Variants in CUBN observed in about 807,000 individuals in gnomAD.
CUBN encodes 460 kDa receptor.
CUBN carries 282 observed loss-of-function variants against 405.3 expected under a neutral mutation model. That is an observed-to-expected ratio of 0.70 (90% CI 0.63 to 0.77). CUBN has a LOEUF of 0.77. CUBN is among the 30% of genes least tolerant of loss of function. The pLI, the probability that CUBN is intolerant of heterozygous loss-of-function variation, is 0.00. For synonymous variants in CUBN, 1,684 were observed against 1,617.0 expected (o/e 1.04, Z -0.99); for missense variants, 4,514 against 4,475.2 (o/e 1.01, Z -0.25).
chr10:16,861,441 C>T (rs772012801), intron 59 of CUBN, among the ~76,000 whole-genome samples: 1 of 152,144 alleles, frequency 6.6e-6, no homozygotes, highest in East Asian at 1.9e-4. Flanking sequence ...GGATTACAGG[C>T]GTGAGCCAGC....
At chr10:17,077,303 A>AT (rs974377803) in intron 17 of CUBN, among the ~76,000 whole-genome samples, 7 of 152,012 alleles carry the variant, frequency 4.6e-5, no homozygotes, top group African/African-American at 1.7e-4. Context: ...GAAACTACTC[A>AT]TAAAAAAAAA....
Position 17,068,205 on chromosome 10 carries a change from A to T in CUBN, c.2867T>A (p.Ile956Asn). Reference protein sequence around the residue: ...PGHPNVYPHGINCTWHILVQP... With the variant: ...PGHPNVYPHGNNCTWHILVQP... ...GACTAATATATGCCAAGTACAGTTG[A>T]TACCGTGGGGGTAGACATTTGGATG... is the stretch of plus-strand genomic sequence containing the variant. The change falls in exon 21 of 67, where the codon ATC becomes AAC. Residue 956 changes from isoleucine (I) to asparagine (N), a missense_variant. Physicochemically the swap from Ile to Asn is moderately radical, Grantham distance 149 (BLOSUM62 -3). Around this residue, in one of 5 missense-constraint regions of CUBN, gnomAD observed 1,448 missense variants for 1,388.0 expected, o/e 1.04. Transcript: ENST00000377833. The T allele has an allele frequency of 6.2e-7, 1 of 1,613,818 alleles. No individual in the cohort carries two copies. Among genetic ancestry groups the T allele is most frequent in the Non-Finnish European group, 8.5e-7 (1 of 1,179,736 alleles).
chr10:17,000,391 A>G (rs1833845132), intron 28 of CUBN, among the ~76,000 whole-genome samples: 1 of 152,202 alleles, frequency 6.6e-6, no homozygotes, highest in Non-Finnish European at 1.5e-5. Flanking sequence ...AAATAACATC[A>G]GCTATTTCGA....
At chr10:17,079,161 A>T (rs2034358194) in intron 17 of CUBN, among the ~76,000 whole-genome samples, 1 of 152,040 alleles carries the variant, frequency 6.6e-6, no homozygotes, top group Non-Finnish European at 1.5e-5. Flanking sequence ...TCACAACAAC[A>T]GAGCTCAGAG....
At chr10:17,072,383 AAAG>A (rs1177791490) in intron 17 of CUBN, among the ~76,000 whole-genome samples, 4 of 152,168 alleles carry the variant, frequency 2.6e-5, no homozygotes, top group African/African-American at 9.6e-5. Flanking sequence ...AAAGGAAAAA[AAAG>A]AAAAGTTGAT....
At position 16,988,508 on chromosome 10, in the gene CUBN, G is replaced by A. The variant is rs543460501; in HGVS notation, c.4350+1826C>T. Among the ~76,000 whole-genome samples the A allele has an allele frequency of 2.6e-5, 4 of 152,254 alleles. No individual in the cohort carries two copies. The East Asian group carries it at 7.7e-4, about 29-fold the overall frequency. Reference sequence around the variant, plus strand: ...AATTGTCTGTAGAGCTACAGTAAATGAAATCAGAGATAGAAATGGTAAGTC... The same window carrying A: ...AATTGTCTGTAGAGCTACAGTAAATAAAATCAGAGATAGAAATGGTAAGTC... On this transcript the variant is annotated intron_variant, in intron 29 of 66. Coordinates refer to ENST00000377833, the MANE Select transcript of CUBN (RefSeq NM_001081.4).
chr10:17,111,813 A>G (rs887721243), intron 8 of CUBN, among the ~76,000 whole-genome samples: 1 of 152,182 alleles, frequency 6.6e-6, no homozygotes, highest in Non-Finnish European at 1.5e-5. Context: ...AGTCCCAGCT[A>G]CTTGGGAGGC....
intron 4 of CUBN, among the ~76,000 whole-genome samples, chr10:17,124,248 C>A (rs905468929): frequency 6.6e-6 from 1 of 152,130 alleles, no homozygotes; most frequent in African/African-American, 2.4e-5. Flanking sequence ...CCCTGGTGCT[C>A]ACCTGACTGC....
At position 16,925,613 on chromosome 10, in the gene CUBN, A is replaced by C. The variant is rs1401399187; in HGVS notation, c.6433T>G (p.Ser2145Ala). 6.2e-7 allele frequency: 1 copy of C among 1,613,948 alleles called. No homozygotes were observed. The highest frequency in any genetic ancestry group is 8.5e-7 in the Non-Finnish European group (1 of 1,179,982). The change falls in exon 42 of 67, where the codon TCT becomes GCT. Residue 2145 changes from serine to alanine, a missense_variant. Coordinates refer to ENST00000377833, the MANE Select transcript of CUBN (RefSeq NM_001081.4). Reference sequence around the variant, plus strand: ...AAGTAATCCCCCTGGTTGCAAGAAGAATCTCCATTTGGAATCTGGAAAGGC... The same window carrying C: ...AAGTAATCCCCCTGGTTGCAAGAAGCATCTCCATTTGGAATCTGGAAAGGC... ...EQPFQIPNGDSSCNQGDYLVL... is the reference protein window; with the variant it reads ...EQPFQIPNGDASCNQGDYLVL...
At chr10:17,122,183 G>A (rs1837058828) in intron 6 of CUBN, 1 of 156,636 alleles carries the variant, frequency 6.4e-6, no homozygotes, top group Admixed American at 6.3e-5. Context: ...AGAAAGTGAT[G>A]CCTGAGCTGA....
At chr10:16,994,313 T>A (rs531470312) in intron 28 of CUBN, among the ~76,000 whole-genome samples, 2 of 152,218 alleles carry the variant, frequency 1.3e-5, no homozygotes, top group Non-Finnish European at 2.9e-5. Context: ...TAAAAAGTGT[T>A]ATTGCCCACA....
rs1223640535 is a variant in CUBN at position 16,950,066 on chromosome 10, C to T, written c.5015G>A (p.Ser1672Asn). 3.1e-6 allele frequency: 5 copies of T among 1,613,986 alleles called. No homozygotes were observed. The highest frequency in any genetic ancestry group is 3.4e-6 in the Non-Finnish European group (4 of 1,179,970). The change falls in exon 34 of 67, where the codon AGC becomes AAC. Residue 1672 changes from serine (S) to asparagine (N), a missense_variant. Ser to Asn is a conservative substitution (Grantham distance 46). This residue lies in a region of CUBN where 1,613 missense variants were observed against 1,542.8 expected (regional missense o/e 1.05). Coordinates refer to ENST00000377833, the MANE Select transcript of CUBN (RefSeq NM_001081.4). ...LSFTHFELER[S>N]TTCARDFVEI... The stretch of plus-strand genomic sequence containing the variant: ...TACAAAGTCACGTGCACACGTTGTG[C>T]TTCTTTCAAGTTCAAAGTGGGTAAA...
At chr10:16,873,403 A>G (rs1245794574) in intron 58 of CUBN, among the ~76,000 whole-genome samples, 2 of 152,180 alleles carry the variant, frequency 1.3e-5, no homozygotes, top group Non-Finnish European at 2.9e-5. Context: ...AGGTATAAAA[A>G]TAGATTTCTT....
chr10:16,836,667 G>C (rs1275674340), intron 62 of CUBN, among the ~76,000 whole-genome samples: 2 of 152,156 alleles, frequency 1.3e-5, no homozygotes, highest in Non-Finnish European at 2.9e-5. Context: ...TCCTAGCTGA[G>C]GCCTGTGCCA....
intron 24 of CUBN, 103 bp from the exon 25 acceptor site, chr10:17,045,291 A>G: frequency 9.2e-7 from 1 of 1,089,500 alleles, no homozygotes; most frequent in Non-Finnish European, 1.4e-6. Context: ...CCTTTAAATC[A>G]AATTGCACAG....
intron 52 of CUBN, among the ~76,000 whole-genome samples, 170 bp from the exon 53 acceptor site, chr10:16,901,020 G>A (rs1226760324): frequency 6.6e-6 from 1 of 151,688 alleles, no homozygotes. Context: ...GGTTCTCTTG[G>A]AAATTTTGAG....
chr10:16,838,956 T>C (rs562562619), intron 62 of CUBN, among the ~76,000 whole-genome samples: 1 of 152,308 alleles, frequency 6.6e-6, no homozygotes, highest in East Asian at 1.9e-4. Context: ...CTTTTCTTTT[T>C]ATCTCTCTTA....
chr10:16,842,985 A>G (rs1391128761), intron 60 of CUBN, among the ~76,000 whole-genome samples: 2 of 152,198 alleles, frequency 1.3e-5, no homozygotes, highest in South Asian at 2.1e-4. Context: ...AGAGAAGCCA[A>G]TGCTATTGAA....
intron 21 of CUBN, among the ~76,000 whole-genome samples, chr10:17,066,048 T>A (rs2131842798): frequency 6.6e-6 from 1 of 152,324 alleles, no homozygotes; most frequent in East Asian, 1.9e-4. Flanking sequence ...CTTGCCTTCC[T>A]CATCCCTAAA....
Sources: allele counts gnomAD v4.1 joint callset (sites outside exome capture counted in the v4.1 genomes callset), GRCh38; gene constraint gnomAD v4.1.1; regional missense constraint gnomAD v4.1.1; transcripts MANE v1.5; gene names NCBI Gene and HGNC (gene_info 2026-07-23, HGNC 2026-07-21).